The following LYN variants were observed in gnomAD, a reference collection of about 807,000 sequenced individuals.
The protein encoded by LYN is tyrosine-protein kinase Lyn.
A neutral mutation model predicts 65.0 loss-of-function variants in LYN; 12 were observed. The observed-to-expected ratio is 0.18, with a 90% confidence interval of 0.12 to 0.30. The LOEUF (loss-of-function observed/expected upper bound fraction) is 0.30. Among genes scored for constraint, LYN ranks in the 10% least tolerant of loss-of-function variants. LYN has a pLI of 1.00. For synonymous variants in LYN, 222 were observed against 221.2 expected, an observed-to-expected ratio of 1.00 and a Z score of -0.03; for missense variants, 380 against 623.2, an observed-to-expected ratio of 0.61 and a Z score of 4.16.
chr8:55,990,072 C>G (rs1032591516), intron 10 of LYN, among the ~76,000 whole-genome samples: 1 of 151,846 alleles, frequency 6.6e-6, no homozygotes, highest in Non-Finnish European at 1.5e-5. Context: ...AACACTGTCT[C>G]TACTAAAAAT....
chr8:55,886,050 C>T (rs963135538), intron 1 of LYN, among the ~76,000 whole-genome samples: 9 of 152,038 alleles, frequency 5.9e-5, no homozygotes, highest in Admixed American at 1.3e-4. Flanking sequence ...TTTTCAGCAA[C>T]GGAAAAATGT....
chr8:55,990,016 A>G (rs1808200408), intron 10 of LYN, among the ~76,000 whole-genome samples: 1 of 152,106 alleles, frequency 6.6e-6, no homozygotes, highest in Non-Finnish European at 1.5e-5. Flanking sequence ...AAGTGGGTGG[A>G]TCACCTGAGG....
At chr8:55,910,163 T>C (rs1005138777) in intron 1 of LYN, among the ~76,000 whole-genome samples, 3 of 152,234 alleles carry the variant, frequency 2.0e-5, no homozygotes, top group Non-Finnish European at 4.4e-5. Context: ...AAGTCTCATT[T>C]GTCTACTTTT....
intron 1 of LYN, among the ~76,000 whole-genome samples, chr8:55,897,644 G>T (rs1254662508): frequency 6.6e-6 from 1 of 152,146 alleles, no homozygotes; most frequent in Non-Finnish European, 1.5e-5. Context: ...AGGTGCAGTT[G>T]CTCACACCTG....
At chr8:55,915,463 C>T (rs909174099) in intron 1 of LYN, among the ~76,000 whole-genome samples, 7 of 152,132 alleles carry the variant, frequency 4.6e-5, no homozygotes, top group Non-Finnish European at 1.0e-4. Flanking sequence ...CCAACACTTT[C>T]GGAAGCCAAG....
chr8:55,916,579 C>T (rs899308403), intron 1 of LYN, among the ~76,000 whole-genome samples: 7 of 152,200 alleles, frequency 4.6e-5, no homozygotes, highest in Non-Finnish European at 7.3e-5. Context: ...CTGTGTTTGA[C>T]GATGATCCCT....
chr8:55,957,690 C>T lies in LYN; in HGVS notation c.790+3706C>T, dbSNP rs1807159800. On this transcript the variant is annotated intron_variant, in intron 8 of 12. Coordinates refer to ENST00000519728, the MANE Select transcript of LYN (RefSeq NM_002350.4). ...GGGCACGGTGGCTCACACCTGTAATCCTGGCACTTCGGGAGGCCGAGGCAG... is the reference window on the plus strand; with the variant it reads ...GGGCACGGTGGCTCACACCTGTAATTCTGGCACTTCGGGAGGCCGAGGCAG... 2.6e-5 allele frequency among the ~76,000 whole-genome samples: 4 copies of T among 152,266 alleles called. No individual in the cohort carries two copies. In the South Asian group the frequency reaches 8.3e-4, roughly 32 times the overall value.
intron 1 of LYN, chr8:55,940,379 A>G (rs929883476): frequency 6.6e-6 from 1 of 151,978 alleles, no homozygotes; most frequent in Non-Finnish European, 1.5e-5. Flanking sequence ...TTTATTATTT[A>G]TTATTATTAT....
chr8:56,009,885 C>G (rs763294733), intron 12 of LYN, 23 bp from the exon 13 acceptor site: 1 of 1,608,006 alleles, frequency 6.2e-7, no homozygotes, highest in African/African-American at 1.3e-5. Context: ...GGTTTCTGTT[C>G]TTTTTGTTTT....
intron 10 of LYN, among the ~76,000 whole-genome samples, chr8:55,975,532 A>T (rs765327417): frequency 6.6e-6 from 1 of 152,228 alleles, no homozygotes; most frequent in African/African-American, 2.4e-5. Flanking sequence ...GATGACATTG[A>T]TATAAGATTT....
In LYN at chr8:55,942,761, G is replaced by A. The variant is rs1414537167; in HGVS notation, c.132+770G>A. 2.0e-5 allele frequency among the ~76,000 whole-genome samples: 3 copies of A among 149,188 alleles called. No individual in the cohort carries two copies. In the East Asian group the frequency reaches 5.8e-4, roughly 29 times the overall value. On this transcript the variant is annotated intron_variant, in intron 2 of 12. Transcript: ENST00000519728. Reference sequence around the variant, plus strand: ...GATTGCACCACTGCCCTCCAGCCTGGGTGACAGAACAAGACTCTGTCTCAA... The same window carrying A: ...GATTGCACCACTGCCCTCCAGCCTGAGTGACAGAACAAGACTCTGTCTCAA...
chr8:55,910,172 T>G (rs6986193), intron 1 of LYN, among the ~76,000 whole-genome samples: 103,581 of 151,416 alleles, frequency 0.68, 35,524 homozygotes, highest in East Asian at 0.95. Flanking sequence ...TTGTCTACTT[T>G]TGTTTTTGTT....
Position 55,884,903 on chromosome 8 carries a change from G to T in LYN, c.-6+4800G>T, listed in dbSNP as rs150381734. Among the ~76,000 whole-genome samples the T allele has an allele frequency of 2.6e-3, 402 of 152,272 alleles. 2 individuals are homozygous for T. The highest frequency in any genetic ancestry group is 8.4e-3 in the African/African-American group (348 of 41,566). The stretch of plus-strand genomic sequence containing the variant: ...TTCATTTTCTCTCATTACTGAATTA[G>T]CTGGCAGCATTCCTTATTTGCCACA... On this transcript the variant is annotated intron_variant, in intron 1 of 12. Transcript: ENST00000519728.
chr8:55,905,750 A>G (rs982943765), intron 1 of LYN, among the ~76,000 whole-genome samples: 7 of 152,062 alleles, frequency 4.6e-5, no homozygotes, highest in Non-Finnish European at 1.0e-4. Flanking sequence ...GGAGAGCCTC[A>G]CTCACCAAAA....
rs151093800 is a variant in LYN at position 55,981,438 on chromosome 8, C to T, written c.1050+11645C>T. ...CTTAAAATGGGGATTGACTATATTCCGTTTAAAACAATAAATTCTTTATTC... is the reference window on the plus strand; with the variant it reads ...CTTAAAATGGGGATTGACTATATTCTGTTTAAAACAATAAATTCTTTATTC... On this transcript the variant is annotated intron_variant, in intron 10 of 12. Coordinates refer to ENST00000519728, the MANE Select transcript of LYN (RefSeq NM_002350.4). Among the ~76,000 whole-genome samples the T allele has an allele frequency of 4.8e-3, 728 of 152,262 alleles. 3 individuals are homozygous for T. The highest frequency in any genetic ancestry group is 0.01 in the Middle Eastern group (3 of 294).
Position 56,010,466 on chromosome 8 carries a change from C to T in LYN, c.*356C>T. ...ACATAGGACTCAAAGTTTCAGAGAC[C>T]ATTGCAATGAATCCCCAATAATTGC... On this transcript the variant is annotated 3_prime_UTR_variant, in exon 13 of 13. Transcript: ENST00000519728. 3.3e-6 allele frequency: 1 copy of T among 305,812 alleles called. No individual in the cohort carries two copies. The highest frequency in any genetic ancestry group is 6.2e-6 in the Non-Finnish European group (1 of 160,542). The allele number at this position is 305,812 out of a possible 1,614,324, so 18.9% of individuals were successfully genotyped here.
chr8:55,910,936 G>A (rs61539692), intron 1 of LYN, among the ~76,000 whole-genome samples: 4,942 of 140,584 alleles, frequency 0.035, 93 homozygotes, highest in African/African-American at 0.049. Context: ...TCGCTCTGAC[G>A]CCCAGGCTGG....
chr8:55,910,658 G>T (rs1033162958), intron 1 of LYN, among the ~76,000 whole-genome samples: 1 of 151,858 alleles, frequency 6.6e-6, no homozygotes, highest in African/African-American at 2.4e-5. Context: ...TGAATTTTGG[G>T]GTTGTTAGAC....
chr8:55,933,542 A>G (rs1049473854), intron 1 of LYN, among the ~76,000 whole-genome samples: 3 of 152,222 alleles, frequency 2.0e-5, no homozygotes, highest in Non-Finnish European at 4.4e-5. Context: ...TGTACTGTCA[A>G]GTTAAAGATT....
Sources: gnomAD v4.1 joint callset for allele counts (sites outside exome capture counted in the v4.1 genomes callset) on GRCh38, gnomAD v4.1.1 for gene constraint, MANE v1.5 for transcripts, NCBI Gene and HGNC (gene_info 2026-07-23, HGNC 2026-07-21) for gene names.